NXNL2: variants seen among roughly 807,000 people sequenced by gnomAD.
NXNL2 encodes nucleoredoxin like 2.
NXNL2 carries 7 observed loss-of-function variants against 11.1 expected under a neutral mutation model. The observed-to-expected ratio is 0.63, with a 90% CI of 0.36 to 1.18. The LOEUF (loss-of-function observed/expected upper bound fraction) is 1.18, where lower values mean the gene tolerates loss of function less well. Ranked by LOEUF, NXNL2 falls within the 50% of genes most tolerant of loss-of-function variation. The probability of loss-of-function intolerance (pLI) is 0.02; values close to 1 mark genes in which losing one functional copy is unlikely to be tolerated. For synonymous variants in NXNL2, 109 were observed against 101.8 expected (o/e 1.07, Z -0.42); for missense variants, 233 against 217.7 (o/e 1.07, Z -0.44).
rs1017682897 is a variant in NXNL2 at position 88,569,128 on chromosome 9, G to A, written c.303-1959G>A. Among the ~76,000 whole-genome samples the A allele has an allele frequency of 7.2e-5, 11 of 152,056 alleles. No individual in the cohort carries two copies. The East Asian group carries it at 7.7e-4, about 11-fold the overall frequency. Reference sequence around the variant, plus strand: ...ATTTTTTTTGTAGAGACTGGGTTTCGCCATGTTGCCCAGGCTGGTCTCGTA... The same window carrying A: ...ATTTTTTTTGTAGAGACTGGGTTTCACCATGTTGCCCAGGCTGGTCTCGTA... On this transcript the variant is annotated intron_variant, in intron 1 of 2. Transcript: ENST00000375855.
Position 88,554,464 on chromosome 9 carries a change from C to T in NXNL2, c.303-16623C>T, listed in dbSNP as rs552792649. ...AAGTGATCTGCCCACCTTGGCCTCC[C>T]AAAGTGCTGGGATTACAGACATGAG... is the stretch of plus-strand genomic sequence containing the variant. On this transcript the variant is annotated intron_variant, in intron 1 of 2. Transcript: ENST00000375855. Among the ~76,000 whole-genome samples the T allele has an allele frequency of 2.6e-5, 4 of 152,316 alleles. No individual in the cohort carries two copies. In the South Asian group the frequency reaches 8.3e-4, roughly 32 times the overall value.
chr9:88,568,799 G>A (rs1005631847), intron 1 of NXNL2, among the ~76,000 whole-genome samples: 4 of 152,184 alleles, frequency 2.6e-5, no homozygotes, highest in African/African-American at 9.7e-5. Flanking sequence ...GTTTTTACAT[G>A]AATCCACATT....
chr9:88,564,277 TCTATCTATTATC>T (rs1203097051), intron 1 of NXNL2, among the ~76,000 whole-genome samples: 2 of 124,832 alleles, frequency 1.6e-5, no homozygotes, highest in African/African-American at 6.1e-5. Context: ...TGTCTATCTA[TCTATCTATTATC>T]TATCTATCTA....
intron 1 of NXNL2, among the ~76,000 whole-genome samples, chr9:88,565,859 T>C (rs1830162826): frequency 1.3e-5 from 2 of 152,172 alleles, no homozygotes; most frequent in Non-Finnish European, 2.9e-5. Context: ...TTTGTTGTTG[T>C]TAATAATAGC....
chr9:88,569,919 G>C (rs1830234650), intron 1 of NXNL2, among the ~76,000 whole-genome samples: 1 of 151,666 alleles, frequency 6.6e-6, no homozygotes, highest in Non-Finnish European at 1.5e-5. Context: ...TGCACTTTTT[G>C]CCCCCAGATC....
At chr9:88,584,496 C>T (rs1457357386), downstream of NXNL2, among the ~76,000 whole-genome samples, 1 of 152,188 alleles carries the variant, frequency 6.6e-6, no homozygotes, top group Non-Finnish European at 1.5e-5. Context: ...AAATAAATGT[C>T]TGTTGTTTAA....
At position 88,551,921 on chromosome 9, in the gene NXNL2, G is replaced by C. The variant is rs569837269; in HGVS notation, c.302+16185G>C. Among the ~76,000 whole-genome samples the C allele has an allele frequency of 2.6e-5, 4 of 152,250 alleles. No homozygotes were observed. In the East Asian group the frequency reaches 5.8e-4, roughly 22 times the overall value. ...TTTCATTTTGGCACTCTTACTTTCA[G>C]CCACGTATTTCTCAACCAAGAGAGC... is the stretch of plus-strand genomic sequence containing the variant. On this transcript the variant is annotated intron_variant, in intron 1 of 2. Coordinates refer to the NXNL2 transcript ENST00000375855.
chr9:88,537,637 T>C (rs1409898025), intron 1 of NXNL2, among the ~76,000 whole-genome samples: 1 of 152,246 alleles, frequency 6.6e-6, no homozygotes, highest in East Asian at 1.9e-4. Flanking sequence ...ATCCTACGTC[T>C]ACAGGACCTT....
Position 88,544,710 on chromosome 9 carries a change from T to A in NXNL2, c.*163T>A, listed in dbSNP as rs1829824947. On this transcript the variant is annotated 3_prime_UTR_variant, in exon 2 of 2. Transcript: ENST00000375854. ...CAAAAAGCAACTATTGCTCAGGAAA[T>A]AATACACTCCATATTTTGATCATGC... 2.9e-6 allele frequency: 4 copies of A among 1,402,080 alleles called. No homozygotes were observed. In the African/African-American group the frequency reaches 4.4e-5, roughly 15 times the overall value. The allele number at this position is 1,402,080 out of a possible 1,614,324, so 86.9% of individuals were successfully genotyped here.
At chr9:88,578,124 A>G (rs1830367897), downstream of NXNL2, among the ~76,000 whole-genome samples, 1 of 152,220 alleles carries the variant, frequency 6.6e-6, no homozygotes, top group African/African-American at 2.4e-5. Context: ...ACCCCTGGCA[A>G]TGTCCTCAAG....
intron 1 of NXNL2, among the ~76,000 whole-genome samples, chr9:88,542,625 C>T (rs1426802863): frequency 6.6e-6 from 1 of 152,156 alleles, no homozygotes; most frequent in South Asian, 2.1e-4. Context: ...AATTCCATTA[C>T]CATTGGTCTG....
chr9:88,544,298 C>A, intron 1 of NXNL2, 81 bp from the exon 2 acceptor site: 1 of 1,320,492 alleles, frequency 7.6e-7, no homozygotes, highest in Non-Finnish European at 1.0e-6. Flanking sequence ...TTGGCTGTAC[C>A]TCAGGCTGGA....
chr9:88,575,010 C>G lies in NXNL2; in HGVS notation c.*17-77C>G, dbSNP rs145051618. On this transcript the variant is annotated intron_variant, in intron 2 of 2. Transcript: ENST00000375855. ...TTTGTAGGACTCTTTGATTTTGCAA[C>G]TGCATTTTTAAGCTTAAGAGGAGGT... The G allele has an allele frequency of 4.1e-3, 1,239 of 303,606 alleles. 46 individuals are homozygous for G. The Admixed American group carries it at 0.074, about 18-fold the overall frequency. The allele number at this position is 303,606 out of a possible 1,614,324, so 18.8% of individuals were successfully genotyped here.
At chr9:88,539,295 T>C (rs929169815) in intron 1 of NXNL2, among the ~76,000 whole-genome samples, 1 of 152,124 alleles carries the variant, frequency 6.6e-6, no homozygotes, top group Non-Finnish European at 1.5e-5. Context: ...CCCATGTCAG[T>C]TGGGAATCTG....
At chr9:88,573,351 C>T (rs1346154819) in intron 2 of NXNL2, among the ~76,000 whole-genome samples, 1 of 152,112 alleles carries the variant, frequency 6.6e-6, no homozygotes, top group African/African-American at 2.4e-5. Flanking sequence ...GCCATGTTGT[C>T]CAGGTTGGTT....
intron 1 of NXNL2, among the ~76,000 whole-genome samples, chr9:88,536,431 G>A (rs1477828280): frequency 6.6e-6 from 1 of 152,194 alleles, no homozygotes; most frequent in African/African-American, 2.4e-5. Flanking sequence ...GATTGGCAGA[G>A]AGGGGATTAC....
In NXNL2 at chr9:88,535,319, C is replaced by T. The variant is rs142410633; in HGVS notation, c.-116C>T. The T allele has an allele frequency of 1.8e-6, 2 of 1,096,082 alleles. No individual in the cohort carries two copies. The highest frequency in any genetic ancestry group is 2.5e-6 in the Non-Finnish European group (2 of 789,524). 67.9% of individuals were successfully genotyped at this position (1,096,082 alleles called of 1,614,324 possible). A position where few individuals can be genotyped will look rare whatever the true frequency, so the allele number is the denominator to read the frequency against. ...GCATCTGGGGCAGGTCTTGAGAGGT[C>T]CAGCGCCCGGTGGTGCGGACAGAGG... is the stretch of plus-strand genomic sequence containing the variant. On this transcript the variant is annotated 5_prime_UTR_variant, in exon 1 of 2. Transcript: ENST00000375854.
At chr9:88,572,737 T>G (rs1830291053) in intron 2 of NXNL2, among the ~76,000 whole-genome samples, 1 of 152,194 alleles carries the variant, frequency 6.6e-6, no homozygotes, top group Admixed American at 6.5e-5. Context: ...CATGTCACCC[T>G]AAGAGTATCT....
downstream of NXNL2, among the ~76,000 whole-genome samples, chr9:88,548,199 C>A (rs1196700334): frequency 6.7e-6 from 1 of 149,134 alleles, no homozygotes; most frequent in Non-Finnish European, 1.5e-5. Context: ...ATTAGCTGGG[C>A]GTGGTGGCAG....
Sources: allele counts gnomAD v4.1 joint callset (sites outside exome capture counted in the v4.1 genomes callset), GRCh38; gene constraint gnomAD v4.1.1; transcripts MANE v1.5; gene names NCBI Gene and HGNC (gene_info 2026-07-23, HGNC 2026-07-21).